NKAIN3: variants seen among roughly 807,000 people sequenced by gnomAD.
NKAIN3 encodes the protein sodium/potassium-transporting ATPase subunit beta-1-interacting protein 3.
Under a neutral mutation model 30.2 loss-of-function variants are expected in NKAIN3, and 25 were observed. The observed-to-expected ratio is 0.83, with a 90% CI of 0.60 to 1.16. NKAIN3 has a LOEUF of 1.16. Ranked by LOEUF, NKAIN3 falls within the 50% of genes most tolerant of loss-of-function variation. The probability of loss-of-function intolerance (pLI) is 0.00; values close to 1 mark genes in which losing one functional copy is unlikely to be tolerated. For synonymous variants in NKAIN3, 91 were observed against 89.6 expected, an observed-to-expected ratio of 1.02 and a Z score of -0.09; for missense variants, 225 against 254.1, an observed-to-expected ratio of 0.89 and a Z score of 0.78.
intron 5 of NKAIN3, among the ~76,000 whole-genome samples, chr8:62,950,486 T>G (rs984094610): frequency 6.6e-6 from 1 of 152,208 alleles, no homozygotes; most frequent in Non-Finnish European, 1.5e-5. Flanking sequence ...ATAGTTAAAT[T>G]TTTTGTAGTC....
intron 1 of NKAIN3, among the ~76,000 whole-genome samples, chr8:62,293,175 A>G (rs1006512326): frequency 1.3e-5 from 2 of 152,070 alleles, no homozygotes; most frequent in Non-Finnish European, 2.9e-5. Flanking sequence ...ATGGGTTCGA[A>G]TATCCTCCTT....
At chr8:62,680,215 T>C (rs984861429) in intron 3 of NKAIN3, among the ~76,000 whole-genome samples, 4 of 152,176 alleles carry the variant, frequency 2.6e-5, no homozygotes, top group African/African-American at 9.6e-5. Context: ...TGGAACTGAA[T>C]TGTAGCACTA....
chr8:62,294,874 C>T lies in NKAIN3; in HGVS notation c.54+45747C>T, dbSNP rs183352704. ...GTCGAAATTGAGTCAAAGTAATTAC[C>T]TACATAGTTCAAATTCTAGAGAGGA... On this transcript the variant is annotated intron_variant, in intron 1 of 6. Coordinates refer to ENST00000623646, the MANE Select transcript of NKAIN3 (RefSeq NM_001304533.3). 7.2e-5 allele frequency among the ~76,000 whole-genome samples: 11 copies of T among 152,190 alleles called. No individual in the cohort carries two copies. In the East Asian group the frequency reaches 7.7e-4, roughly 11 times the overall value.
intron 4 of NKAIN3, among the ~76,000 whole-genome samples, chr8:62,888,507 G>A (rs562589977): frequency 2.0e-5 from 3 of 152,286 alleles, no homozygotes; most frequent in African/African-American, 7.2e-5. Context: ...ATTAAGTTGT[G>A]ATTCTCTGTA....
intron 1 of NKAIN3, among the ~76,000 whole-genome samples, chr8:62,268,803 TACAAA>T (rs1363144576): frequency 1.3e-5 from 2 of 152,162 alleles, no homozygotes; most frequent in African/African-American, 2.4e-5. Flanking sequence ...TCTCTACTGC[TACAAA>T]GGCTATTTTT....
chr8:62,860,137 G>T (rs749167757), intron 4 of NKAIN3, among the ~76,000 whole-genome samples: 1 of 152,250 alleles, frequency 6.6e-6, no homozygotes. Flanking sequence ...GTAGAGTAGC[G>T]ACCTGAAACA....
rs1362497592 is a variant in NKAIN3, at chr8:62,938,186, A to T, written c.533-15716A>T. Among the ~76,000 whole-genome samples the T allele has an allele frequency of 2.6e-5, 4 of 152,088 alleles. No homozygotes were observed. In the East Asian group the frequency reaches 7.7e-4, roughly 29 times the overall value. On this transcript the variant is annotated intron_variant, in intron 5 of 6. Coordinates refer to ENST00000623646, the MANE Select transcript of NKAIN3 (RefSeq NM_001304533.3). ...AACGGCCCTGCCCTCAACCTGAGAA[A>T]GCTGAGTGCTCCTCCAGGTGACCGT...
intron 1 of NKAIN3, among the ~76,000 whole-genome samples, chr8:62,351,304 T>C (rs1816171117): frequency 6.7e-6 from 1 of 149,924 alleles, no homozygotes; most frequent in Admixed American, 6.7e-5. Flanking sequence ...TAATCATCTC[T>C]AGGTTATTTA....
chr8:62,846,843 T>A (rs1819703614), intron 4 of NKAIN3, among the ~76,000 whole-genome samples: 1 of 152,134 alleles, frequency 6.6e-6, no homozygotes, highest in Non-Finnish European at 1.5e-5. Flanking sequence ...TGGGGAGGCC[T>A]CACAATCATG....
chr8:62,961,945 A>T (rs1485905962), intron 6 of NKAIN3, among the ~76,000 whole-genome samples: 1 of 152,230 alleles, frequency 6.6e-6, no homozygotes, highest in Non-Finnish European at 1.5e-5. Flanking sequence ...GGAAATGAAG[A>T]ATTCTCAAAT....
rs912499379 is a variant in NKAIN3 at position 62,982,204 on chromosome 8, A to G, written c.*16797A>G. 10 of 152,244 alleles carry G rather than the reference A, an allele frequency of 6.6e-5. No individual in the cohort carries two copies. 9.4% of individuals were successfully genotyped at this position (152,244 alleles called of 1,614,324 possible). On this transcript the variant is annotated 3_prime_UTR_variant, in exon 7 of 7. Transcript: ENST00000623646. ...ACTATCAATTTAAAAATTCATTAGT[A>G]TAAATTAAGAACAGGTACCATTTTC... is the stretch of plus-strand genomic sequence containing the variant.
At chr8:62,515,169 A>T (rs1807945650) in intron 1 of NKAIN3, among the ~76,000 whole-genome samples, 1 of 152,152 alleles carries the variant, frequency 6.6e-6, no homozygotes, top group African/African-American at 2.4e-5. Flanking sequence ...ATTTTAAGAA[A>T]AGAAAATTGT....
In NKAIN3 at chr8:62,362,192, G is replaced by C. The variant is rs187360461; in HGVS notation, c.54+113065G>C. On this transcript the variant is annotated intron_variant, in intron 1 of 6. Coordinates refer to ENST00000623646, the MANE Select transcript of NKAIN3 (RefSeq NM_001304533.3). ...CATCAATAACTAAGAAAGTGGGCAT[G>C]CTATAAGAATTATTCTCAAGTAACA... is the stretch of plus-strand genomic sequence containing the variant. Among the ~76,000 whole-genome samples the C allele has an allele frequency of 2.6e-5, 4 of 152,168 alleles. No homozygotes were observed. The South Asian group carries it at 8.3e-4, about 31-fold the overall frequency.
At chr8:62,804,328 C>G (rs1818192390) in intron 4 of NKAIN3, among the ~76,000 whole-genome samples, 2 of 152,134 alleles carry the variant, frequency 1.3e-5, no homozygotes, top group African/African-American at 2.4e-5. Flanking sequence ...AATACCAAAG[C>G]CTGGCAGAGA....
intron 5 of NKAIN3, among the ~76,000 whole-genome samples, chr8:62,919,521 A>C (rs1035689502): frequency 1.3e-5 from 2 of 152,138 alleles, no homozygotes; most frequent in Non-Finnish European, 2.9e-5. Flanking sequence ...CTGGGATTAC[A>C]GGCGTCAGCC....
At chr8:62,331,651 C>G (rs1815362734) in intron 1 of NKAIN3, among the ~76,000 whole-genome samples, 2 of 152,010 alleles carry the variant, frequency 1.3e-5, no homozygotes, top group African/African-American at 4.8e-5. Flanking sequence ...TCTTTCTTAT[C>G]TGGTATAGGA....
chr8:62,249,040 T>C lies in NKAIN3; in HGVS notation c.-34T>C, dbSNP rs1007106019. The C allele has an allele frequency of 2.6e-5, 40 of 1,525,972 alleles. No homozygotes were observed. The Admixed American group carries it at 5.8e-4, about 22-fold the overall frequency. The allele number at this position is 1,525,972 out of a possible 1,614,324, so 94.5% of individuals were successfully genotyped here. On this transcript the variant is annotated 5_prime_UTR_variant, in exon 1 of 7. Transcript: ENST00000623646. ...AGCAGCGGCGGAGGACGAGGATCTC[T>C]GGCAGTCAGCGCCGCTCGGACGCCG... is the stretch of plus-strand genomic sequence containing the variant.
chr8:62,316,861 C>T (rs940999639), intron 1 of NKAIN3, among the ~76,000 whole-genome samples: 5 of 152,170 alleles, frequency 3.3e-5, no homozygotes, highest in South Asian at 2.1e-4. Context: ...ACACTAACTT[C>T]CACAATGGTT....
chr8:62,269,111 G>A (rs1229942486), intron 1 of NKAIN3, among the ~76,000 whole-genome samples: 1 of 152,144 alleles, frequency 6.6e-6, no homozygotes, highest in African/African-American at 2.4e-5. Flanking sequence ...GATGTAATGT[G>A]CGGGAGATGT....
Sources: allele counts gnomAD v4.1 joint callset (sites outside exome capture counted in the v4.1 genomes callset), GRCh38; gene constraint gnomAD v4.1.1; transcripts MANE v1.5; gene names NCBI Gene and HGNC (gene_info 2026-07-23, HGNC 2026-07-21).